CRAMP1: variants seen among roughly 807,000 people sequenced by gnomAD.
The protein encoded by CRAMP1 is cramped chromatin regulator 1.
A neutral mutation model predicts 115.4 loss-of-function variants in CRAMP1; 50 were observed. The observed-to-expected ratio is 0.43, with a 90% CI of 0.35 to 0.55. CRAMP1 has a LOEUF of 0.55. Ranked by LOEUF, CRAMP1 falls within the 20% of genes least tolerant of loss-of-function variation. The pLI, the probability that CRAMP1 is intolerant of heterozygous loss-of-function variation, is 0.01. For synonymous variants in CRAMP1, 866 were observed against 745.4 expected (o/e 1.16, Z -2.64); for missense variants, 1,679 against 1,721.7 (o/e 0.98, Z 0.44).
At chr16:1,668,642 T>G (rs570017347) in intron 18 of CRAMP1, among the ~76,000 whole-genome samples, 10 of 152,286 alleles carry the variant, frequency 6.6e-5, no homozygotes, top group African/African-American at 2.2e-4. Flanking sequence ...CTGAGAGAGA[T>G]ATGAGTTCAC....
At chr16:1,657,945 G>A (rs2036790149) in intron 10 of CRAMP1, among the ~76,000 whole-genome samples, 1 of 152,228 alleles carries the variant, frequency 6.6e-6, no homozygotes, top group Non-Finnish European at 1.5e-5. Context: ...CAGAATGTGT[G>A]TGAGGCTCAC....
intron 8 of CRAMP1, among the ~76,000 whole-genome samples, 164 bp from the exon 9 acceptor site, chr16:1,655,055 T>C (rs1011803429): frequency 8.5e-5 from 13 of 152,252 alleles, no homozygotes; most frequent in African/African-American, 2.9e-4. Context: ...GGCTGGTTTT[T>C]AGCCACAGGA....
rs1288052356 is a variant in CRAMP1, at chr16:1,656,299, C to T, written c.1542C>T (p.Pro514=). 1 of 1,611,990 alleles carries T rather than the reference C, an allele frequency of 6.2e-7. No homozygotes were observed. The highest frequency in any genetic ancestry group is 8.5e-7 in the Non-Finnish European group (1 of 1,179,636). Reference sequence around the variant, plus strand: ...CGGACGCTCCTGACAGGCCTCCTCCCAGGCACCAGGACACTGGGCCATGTC... The same window carrying T: ...CGGACGCTCCTGACAGGCCTCCTCCTAGGCACCAGGACACTGGGCCATGTC... ...SSPDAPDRPP[P]RHQDTGPCLE... Residue 514 remains proline, a synonymous_variant, in exon 10 of 21, where the codon CCC becomes CCT. Coordinates refer to ENST00000397412, the MANE Select transcript of CRAMP1 (RefSeq NM_020825.4). This position sits in a 1 kb window ranked among gnomAD's most constrained non-coding sequence, Gnocchi z 5.6.
chr16:1,639,820 G>A (rs532966509), intron 5 of CRAMP1, among the ~76,000 whole-genome samples: 2 of 152,350 alleles, frequency 1.3e-5, no homozygotes, highest in East Asian at 3.9e-4. Flanking sequence ...GGTGTGGAAA[G>A]TTGGGGTTTT....
At chr16:1,642,375 G>A (rs1038340724) in intron 6 of CRAMP1, among the ~76,000 whole-genome samples, 6 of 152,236 alleles carry the variant, frequency 3.9e-5, no homozygotes, top group Admixed American at 3.3e-4. Flanking sequence ...TTCCCAGGCT[G>A]TGTGTGAGCT....
chr16:1,666,001 C>A lies in CRAMP1; in HGVS notation c.2753-72C>A. 1.0e-6 allele frequency: 1 copy of A among 1,002,152 alleles called. No homozygotes were observed. Among genetic ancestry groups the A allele is most frequent in the Non-Finnish European group, 1.5e-6 (1 of 652,036 alleles). 62.1% of individuals were successfully genotyped at this position (1,002,152 alleles called of 1,614,324 possible). Reference sequence around the variant, plus strand: ...CAACAGTGGCTGTAAAGGAAGCCCCCTGCGGCCACATCCTGCTGTGAGGGC... The same window carrying A: ...CAACAGTGGCTGTAAAGGAAGCCCCATGCGGCCACATCCTGCTGTGAGGGC... On this transcript the variant is annotated intron_variant, in intron 14 of 20. Transcript: ENST00000397412. This position sits in a 1 kb window ranked among gnomAD's most constrained non-coding sequence, Gnocchi z 5.0.
chr16:1,624,624 G>A (rs375720540), intron 2 of CRAMP1, among the ~76,000 whole-genome samples: 1 of 152,104 alleles, frequency 6.6e-6, no homozygotes, highest in African/African-American at 2.4e-5. Flanking sequence ...CTGTAGCCAG[G>A]CTGGAGTGCA....
rs188402507 is a variant in CRAMP1 at position 1,619,356 on chromosome 16, A to G, written c.346+4371A>G. Among the ~76,000 whole-genome samples the G allele has an allele frequency of 2.0e-5, 3 of 152,000 alleles. No individual in the cohort carries two copies. In the East Asian group the frequency reaches 5.8e-4, roughly 29 times the overall value. On this transcript the variant is annotated intron_variant, in intron 2 of 20. Coordinates refer to ENST00000397412, the MANE Select transcript of CRAMP1 (RefSeq NM_020825.4). ...CTGCTACACCCGACTAATTTTTTTT[A>G]TTTTAGTAGAGATGGGGTTTTACCG...
intron 5 of CRAMP1, 67 bp downstream of exon 5, chr16:1,637,974 C>A (rs1474259190): frequency 1.4e-6 from 1 of 730,904 alleles, no homozygotes; most frequent in Non-Finnish European, 2.1e-6. Context: ...GGCTTTAGTG[C>A]TCAGAGTTGT....
chr16:1,662,876 G>A (rs1365957785), intron 13 of CRAMP1, 41 bp downstream of exon 13: 5 of 1,515,900 alleles, frequency 3.3e-6, no homozygotes, highest in South Asian at 2.3e-5. Flanking sequence ...CCTCGTGGCT[G>A]GGCCAACCAG....
chr16:1,626,425 T>C (rs777555584), intron 3 of CRAMP1, among the ~76,000 whole-genome samples: 1 of 152,234 alleles, frequency 6.6e-6, no homozygotes, highest in Non-Finnish European at 1.5e-5. Flanking sequence ...CATTTCCTTT[T>C]GGATATTCTC....
At chr16:1,645,296 C>T (rs1334732093) in intron 6 of CRAMP1, 3 of 214,980 alleles carry the variant, frequency 1.4e-5, no homozygotes, top group Non-Finnish European at 3.0e-5. Context: ...AAGCGATTCT[C>T]GTGCCTCAGC....
chr16:1,640,172 A>G (rs577358410), intron 5 of CRAMP1, among the ~76,000 whole-genome samples: 8 of 151,694 alleles, frequency 5.3e-5, no homozygotes, highest in South Asian at 2.1e-4. Flanking sequence ...AACCTCCTGT[A>G]TTTTTTTCCG....
Position 1,614,599 on chromosome 16 carries a change from G to T in CRAMP1, c.-1-40G>T. 1 of 1,192,296 alleles carries T rather than the reference G, an allele frequency of 8.4e-7. No homozygotes were observed. The highest frequency in any genetic ancestry group is 1.1e-6 in the Non-Finnish European group (1 of 952,138). 73.9% of individuals were successfully genotyped at this position (1,192,296 alleles called of 1,614,324 possible). A position where few individuals can be genotyped will look rare whatever the true frequency, so the allele number is the denominator to read the frequency against. ...TCGGGGCCGCTAAACTTCCCGGCCT[G>T]CGCCCGCCTCACCGGCCGCCTCCCC... On this transcript the variant is annotated intron_variant, in intron 1 of 20. Transcript: ENST00000397412. The surrounding 1 kb of genome is among the most constrained non-coding windows in gnomAD (Gnocchi z 4.4).
At chr16:1,646,551 A>C (rs1156808548) in intron 6 of CRAMP1, among the ~76,000 whole-genome samples, 1 of 152,100 alleles carries the variant, frequency 6.6e-6, no homozygotes, top group Admixed American at 6.5e-5. Context: ...TTCTTTGTAT[A>C]TTGTAGACAC....
chr16:1,668,988 T>A lies in CRAMP1; in HGVS notation c.3335-13T>A. 1 of 1,612,616 alleles carries A rather than the reference T, an allele frequency of 6.2e-7. No individual in the cohort carries two copies. On this transcript the variant is annotated splice_polypyrimidine_tract_variant and intron_variant, in intron 18 of 20. Transcript: ENST00000397412. The stretch of plus-strand genomic sequence containing the variant: ...GCAACAAGGCGTTTCTGATCTGGGA[T>A]CTTGGTTGGCAGGTGAAGGAGTCCC...
intron 8 of CRAMP1, among the ~76,000 whole-genome samples, chr16:1,653,620 G>A (rs892353115): frequency 9.2e-5 from 14 of 151,898 alleles, no homozygotes; most frequent in African/African-American, 3.4e-4. Context: ...ACGAGGTCAG[G>A]AGATCGAGAC....
chr16:1,651,486 C>T (rs7206108), intron 6 of CRAMP1, among the ~76,000 whole-genome samples: 24,590 of 146,312 alleles, frequency 0.17, 2,536 homozygotes, highest in African/African-American at 0.3. Flanking sequence ...CACAGGTCAT[C>T]TAGAGGTGGA....
chr16:1,659,918 A>G lies in CRAMP1; in HGVS notation c.2268A>G (p.Ser756=). ...ALEANTISTA[S]VRPAQEEQSM... is the part of the protein sequence containing the mutation. ...AAGCAAACACCATCTCTACAGCCTC[A>G]GTAAGGCCCGCCCAGGAGGAGCAGT... is the stretch of plus-strand genomic sequence containing the variant. The change falls in exon 11 of 21, where the codon TCA becomes TCG. Residue 756 remains serine (S), a synonymous_variant. Transcript: ENST00000397412. The G allele has an allele frequency of 6.2e-7, 1 of 1,613,142 alleles. No individual in the cohort carries two copies. Among genetic ancestry groups the G allele is most frequent in the Non-Finnish European group, 8.5e-7 (1 of 1,179,824 alleles).
Sources: gnomAD v4.1 joint callset for allele counts (sites outside exome capture counted in the v4.1 genomes callset) on GRCh38, gnomAD v4.1.1 for gene constraint, Gnocchi (gnomAD v3.1) non-coding constraint, MANE v1.5 for transcripts, NCBI Gene and HGNC (gene_info 2026-07-23, HGNC 2026-07-21) for gene names.